ARB2A: variants seen among roughly 807,000 people sequenced by gnomAD.
ARB2A encodes the protein cotranscriptional regulator ARB2A.
At chr5:93,873,335 G>GAAAGGAAAGA in the ARB2A span, among the ~76,000 whole-genome samples, 3 of 6,240 alleles carry the variant, frequency 4.8e-4, no homozygotes, top group Admixed American at 7.1e-3. Flanking sequence ...GAAAGGAAAG[G>GAAAGGAAAGA]AAAGGAAAGG....
At chr5:94,101,576 T>C in the ARB2A span, among the ~76,000 whole-genome samples, 34 of 152,284 alleles carry the variant, frequency 2.2e-4, no homozygotes, top group Admixed American at 1.9e-3. Context: ...AAAGAAAATG[T>C]GGTAAATACA....
the ARB2A span, among the ~76,000 whole-genome samples, chr5:93,781,546 A>G: frequency 6.6e-6 from 1 of 152,166 alleles, no homozygotes. Flanking sequence ...CTTCGGGTAG[A>G]TACCCAGTAG....
chr5:94,095,508 C>T, the ARB2A span, among the ~76,000 whole-genome samples: 2 of 151,988 alleles, frequency 1.3e-5, no homozygotes, highest in Admixed American at 6.6e-5. Context: ...TCTCTCACTA[C>T]AATCAAATTT....
chr5:94,068,572 C>T, the ARB2A span, among the ~76,000 whole-genome samples: 16,080 of 152,200 alleles, frequency 0.11, 971 homozygotes, highest in Middle Eastern at 0.16. Flanking sequence ...ATCCAGATCA[C>T]TGTCCCTCCC....
chr5:93,918,914 C>T, the ARB2A span, among the ~76,000 whole-genome samples: 1 of 152,164 alleles, frequency 6.6e-6, no homozygotes. Context: ...CGTCAGCTCC[C>T]TTCCCCCAGA....
the ARB2A span, among the ~76,000 whole-genome samples, chr5:94,084,419 A>C: frequency 6.6e-6 from 1 of 152,192 alleles, no homozygotes; most frequent in South Asian, 2.1e-4. Context: ...AAATACAAAA[A>C]ATATACTGTA....
At chr5:93,848,370 A>T in the ARB2A span, among the ~76,000 whole-genome samples, 1 of 151,322 alleles carries the variant, frequency 6.6e-6, no homozygotes, top group Non-Finnish European at 1.5e-5. Context: ...CGACAGAGCG[A>T]GACTCTGTCT....
chr5:93,956,172 A>C, the ARB2A span, among the ~76,000 whole-genome samples: 1 of 152,212 alleles, frequency 6.6e-6, no homozygotes, highest in Non-Finnish European at 1.5e-5. Flanking sequence ...ACTTTTGATA[A>C]TAAAGTCCTG....
At chr5:93,958,069 T>A in the ARB2A span, among the ~76,000 whole-genome samples, 2 of 151,948 alleles carry the variant, frequency 1.3e-5, no homozygotes, top group African/African-American at 4.8e-5. Flanking sequence ...ACAAAAGCAG[T>A]CAAACATTAA....
At chr5:93,818,755 A>C in the ARB2A span, among the ~76,000 whole-genome samples, 25 of 152,230 alleles carry the variant, frequency 1.6e-4, no homozygotes, top group African/African-American at 6.0e-4. Context: ...AGCAACAAGG[A>C]GCCTATAAAA....
chr5:94,084,099 C>T, the ARB2A span, among the ~76,000 whole-genome samples: 1 of 151,426 alleles, frequency 6.6e-6, no homozygotes, highest in Non-Finnish European at 1.5e-5. Flanking sequence ...TACGGTGAAA[C>T]CCCATCTCTA....
the ARB2A span, among the ~76,000 whole-genome samples, chr5:94,068,455 A>C: frequency 6.6e-6 from 1 of 152,348 alleles, no homozygotes; most frequent in African/African-American, 2.4e-5. Flanking sequence ...AACATGGACC[A>C]GAAGAGTATG....
the ARB2A span, among the ~76,000 whole-genome samples, chr5:93,788,406 C>T: frequency 6.6e-6 from 1 of 152,102 alleles, no homozygotes; most frequent in African/African-American, 2.4e-5. Context: ...CAGTGCAGGC[C>T]TTCCACAGGG....
chr5:93,979,292 C>A, the ARB2A span, among the ~76,000 whole-genome samples: 1 of 152,050 alleles, frequency 6.6e-6, no homozygotes, highest in Admixed American at 6.6e-5. Context: ...ATGTTAGGAA[C>A]ATTCACAATG....
the ARB2A span, among the ~76,000 whole-genome samples, chr5:93,968,442 A>C: frequency 6.6e-6 from 1 of 152,160 alleles, no homozygotes; most frequent in Non-Finnish European, 1.5e-5. Flanking sequence ...TTATTAGGCT[A>C]ATTAGTAGAC....
At chr5:93,917,567 T>C in the ARB2A span, among the ~76,000 whole-genome samples, 1 of 152,138 alleles carries the variant, frequency 6.6e-6, no homozygotes, top group Non-Finnish European at 1.5e-5. Context: ...AAAATTATAT[T>C]GTTCTTTCCT....
chr5:93,955,847 G>A, the ARB2A span, among the ~76,000 whole-genome samples: 1 of 152,102 alleles, frequency 6.6e-6, no homozygotes, highest in Admixed American at 6.5e-5. Flanking sequence ...GTCAACATCT[G>A]CTCCTACCAC....
the ARB2A span, among the ~76,000 whole-genome samples, chr5:93,662,563 T>C: frequency 1.3e-5 from 2 of 152,210 alleles, no homozygotes; most frequent in Non-Finnish European, 2.9e-5. Flanking sequence ...ACATAAAATA[T>C]ATTTATACAC....
chr5:93,646,782 A>G, the ARB2A span, among the ~76,000 whole-genome samples: 246 of 152,206 alleles, frequency 1.6e-3, 3 homozygotes, highest in African/African-American at 5.7e-3. Flanking sequence ...ATTTAAATAT[A>G]TAATATTCTA....
Sources: gnomAD v4.1 joint callset for allele counts (sites outside exome capture counted in the v4.1 genomes callset) on GRCh38, gnomAD v4.1.1 for gene constraint, MANE v1.5 for transcripts, NCBI Gene and HGNC (gene_info 2026-07-23, HGNC 2026-07-21) for gene names.